Variants in CDC42BPA observed in about 807,000 individuals in gnomAD.
CDC42BPA encodes serine/threonine-protein kinase MRCK alpha.
CDC42BPA carries 80 observed loss-of-function variants against 223.5 expected under a neutral mutation model. The ratio of observed to expected loss-of-function variants is 0.36; its 90% CI spans 0.30 to 0.43. The LOEUF is 0.43. Ranked by LOEUF, CDC42BPA falls within the 20% of genes least tolerant of loss-of-function variation. CDC42BPA has a pLI of 1.00. For missense variants in CDC42BPA, 1,743 were observed against 2,099.9 expected, an observed-to-expected ratio of 0.83 and a Z score of 3.32; for synonymous variants, 694 against 718.6, an observed-to-expected ratio of 0.97 and a Z score of 0.55.
At chr1:227,004,931 G>A (rs1478756776) in intron 35 of CDC42BPA, 63 bp downstream of exon 35, 3 of 1,065,316 alleles carry the variant, frequency 2.8e-6, no homozygotes, top group South Asian at 1.2e-5. Context: ...CCACGGGACA[G>A]GAGGGGAGGG....
At position 227,028,822 on chromosome 1, in the gene CDC42BPA, T is replaced by C. The variant is rs772424167; in HGVS notation, c.4267A>G (p.Thr1423Ala). ...GGTTGATGTGCAATAAATGATAGTG[T>C]ATGGTCATTTGAATGGAGCATACTG... ...PYSMLHSNDH[T>A]LSFIAHQPMD... The change falls in exon 30 of 37, where the codon ACA (threonine) becomes GCA (alanine). Residue 1423 changes from threonine (T) to alanine (A), a missense_variant. By Grantham distance (58) the Thr-to-Ala change is moderately conservative (BLOSUM62 0). Around this residue, in one of 6 missense-constraint regions of CDC42BPA, gnomAD observed 678 missense variants for 777.5 expected, o/e 0.87. Transcript: ENST00000366766. The C allele has an allele frequency of 6.2e-7, 1 of 1,614,120 alleles. No homozygotes were observed. Among genetic ancestry groups the C allele is most frequent in the Admixed American group, 1.7e-5 (1 of 60,022 alleles).
At position 227,016,870 on chromosome 1, in the gene CDC42BPA, C is replaced by T. The variant is rs899117065; in HGVS notation, c.4739+57G>A. ...TCCAAATCAAATATAGTATCATCAC[C>T]GAGTAGTCCTTGATGGTACAAGCAA... is the stretch of plus-strand genomic sequence containing the variant. On this transcript the variant is annotated intron_variant, in intron 33 of 36. Coordinates refer to ENST00000366766, the MANE Select transcript of CDC42BPA (RefSeq NM_001394014.1). The T allele has an allele frequency of 1.3e-5, 19 of 1,483,820 alleles. 1 individual carries two copies. The highest frequency in any genetic ancestry group is 3.5e-4 in the Middle Eastern group (2 of 5,636). The allele number at this position is 1,483,820 out of a possible 1,614,324, so 91.9% of individuals were successfully genotyped here.
At chr1:227,198,804 G>T in intron 4 of CDC42BPA, among the ~76,000 whole-genome samples, 1 of 151,472 alleles carries the variant, frequency 6.6e-6, no homozygotes, top group East Asian at 1.9e-4. Flanking sequence ...ACCCAGGCTG[G>T]AGTGCAGTGG....
At chr1:227,210,086 G>A (rs1454197447) in intron 3 of CDC42BPA, among the ~76,000 whole-genome samples, 2 of 152,132 alleles carry the variant, frequency 1.3e-5, no homozygotes, top group Non-Finnish European at 2.9e-5. Context: ...TTAGTCTTGG[G>A]AGAGTGTCAC....
At position 227,029,134 on chromosome 1, in the gene CDC42BPA, C is replaced by T; in HGVS notation, c.3955G>A (p.Ala1319Thr). The change falls in exon 30 of 37, where the codon GCA becomes ACA. Residue 1319 changes from alanine to threonine, a missense_variant. By Grantham distance (58) the Ala-to-Thr change is moderately conservative. This residue lies in a region of CDC42BPA where 678 missense variants were observed against 777.5 expected (regional missense o/e 0.87). Coordinates refer to ENST00000366766, the MANE Select transcript of CDC42BPA (RefSeq NM_001394014.1). ...AAATCGGTCTCTCGCCCATCCAATGCTGACATAGGAAAAAGTCGTACATGA... is the reference window on the plus strand; with the variant it reads ...AAATCGGTCTCTCGCCCATCCAATGTTGACATAGGAAAAAGTCGTACATGA... ...NRHVRLFPMS[A>T]LDGRETDFYK... is the part of the protein sequence containing the mutation. 6.2e-7 allele frequency: 1 copy of T among 1,610,206 alleles called. No individual in the cohort carries two copies. The highest frequency in any genetic ancestry group is 1.7e-5 in the Admixed American group (1 of 60,034).
intron 1 of CDC42BPA, among the ~76,000 whole-genome samples, chr1:227,293,669 T>C (rs1178184012): frequency 6.6e-6 from 1 of 151,734 alleles, no homozygotes; most frequent in Non-Finnish European, 1.5e-5. Context: ...CTACTAAAAA[T>C]ACAAAATCAG....
intron 8 of CDC42BPA, among the ~76,000 whole-genome samples, chr1:227,144,842 G>C (rs56834719): frequency 0.15 from 23,454 of 151,952 alleles, 2,195 homozygotes; most frequent in African/African-American, 0.25. Context: ...CACGTCTGTG[G>C]ACTATTTTCC....
intron 1 of CDC42BPA, among the ~76,000 whole-genome samples, chr1:227,276,785 G>T (rs1456956031): frequency 6.6e-6 from 1 of 152,166 alleles, no homozygotes; most frequent in Non-Finnish European, 1.5e-5. Context: ...CCCCAACCCT[G>T]TGCTCTCTGA....
chr1:227,153,786 T>C (rs1272905068), intron 6 of CDC42BPA, among the ~76,000 whole-genome samples: 1 of 151,780 alleles, frequency 6.6e-6, no homozygotes, highest in Non-Finnish European at 1.5e-5. Context: ...AAAACAAAAC[T>C]TCACCCAGGC....
intron 34 of CDC42BPA, among the ~76,000 whole-genome samples, chr1:227,012,316 C>T (rs939369702): frequency 3.3e-5 from 5 of 151,974 alleles, no homozygotes; most frequent in Non-Finnish European, 5.9e-5. Flanking sequence ...TGTATTAAAA[C>T]GGTAAATTAT....
Position 226,993,623 on chromosome 1 carries a change from C to A in CDC42BPA, c.*645G>T, listed in dbSNP as rs1661021248. On this transcript the variant is annotated 3_prime_UTR_variant, in exon 37 of 37. Transcript: ENST00000366766. ...ACATTACATTACAGACAAGAAACAA[C>A]ATATTTCTTTAAATTAAATCATCTC... is the stretch of plus-strand genomic sequence containing the variant. 1 of 152,654 alleles carries A rather than the reference C, an allele frequency of 6.6e-6. No homozygotes were observed. The highest frequency in any genetic ancestry group is 1.5e-5 in the Non-Finnish European group (1 of 68,052). 9.5% of individuals were successfully genotyped at this position (152,654 alleles called of 1,614,324 possible). A position where few individuals can be genotyped will look rare whatever the true frequency, so the allele number is the denominator to read the frequency against.
At chr1:227,216,837 T>A (rs182614004) in intron 2 of CDC42BPA, among the ~76,000 whole-genome samples, 1 of 152,132 alleles carries the variant, frequency 6.6e-6, no homozygotes, top group East Asian at 1.9e-4. Context: ...TTAAAAACAC[T>A]AGCAATGTCT....
chr1:227,092,311 A>G (rs147808275), intron 15 of CDC42BPA, among the ~76,000 whole-genome samples: 58 of 152,310 alleles, frequency 3.8e-4, no homozygotes, highest in East Asian at 1.5e-3. Context: ...CAGACTGCCA[A>G]TGAAGAGTGA....
intron 1 of CDC42BPA, among the ~76,000 whole-genome samples, chr1:227,255,446 AAG>A (rs35829988): frequency 1.3e-5 from 2 of 151,958 alleles, no homozygotes; most frequent in African/African-American, 4.8e-5. Flanking sequence ...AAGGAAAGGA[AAG>A]AGAGAGAGGA....
At chr1:227,065,139 T>C (rs1195795111) in intron 21 of CDC42BPA, among the ~76,000 whole-genome samples, 1 of 141,052 alleles carries the variant, frequency 7.1e-6, no homozygotes, top group Non-Finnish European at 1.5e-5. Context: ...CTCAAACCCT[T>C]CTTTATCTGT....
intron 1 of CDC42BPA, among the ~76,000 whole-genome samples, chr1:227,287,302 T>C (rs896941285): frequency 3.9e-5 from 6 of 152,192 alleles, no homozygotes; most frequent in African/African-American, 1.4e-4. Context: ...GCAAGGTTGG[T>C]CTATGGCTGG....
At chr1:227,050,736 T>A (rs1331626883) in intron 22 of CDC42BPA, among the ~76,000 whole-genome samples, 1 of 152,154 alleles carries the variant, frequency 6.6e-6, no homozygotes, top group Non-Finnish European at 1.5e-5. Flanking sequence ...CTACTATGTA[T>A]CATTTGTGGA....
At chr1:227,120,285 G>A (rs1456519235) in intron 11 of CDC42BPA, among the ~76,000 whole-genome samples, 1 of 152,104 alleles carries the variant, frequency 6.6e-6, no homozygotes, top group Admixed American at 6.6e-5. Context: ...CTGCAGTGTT[G>A]GTAAGCATCC....
At chr1:227,261,701 A>G (rs1041661201) in intron 1 of CDC42BPA, among the ~76,000 whole-genome samples, 1 of 152,200 alleles carries the variant, frequency 6.6e-6, no homozygotes, top group Non-Finnish European at 1.5e-5. Context: ...GGTGCCTGTT[A>G]GGGATCATTC....
Sources: allele counts gnomAD v4.1 joint callset (sites outside exome capture counted in the v4.1 genomes callset), GRCh38; gene constraint gnomAD v4.1.1; regional missense constraint gnomAD v4.1.1; transcripts MANE v1.5; gene names NCBI Gene and HGNC (gene_info 2026-07-23, HGNC 2026-07-21).